Variants in PARD3 observed in about 807,000 individuals in gnomAD.
PARD3 encodes the protein partitioning defective 3 homolog.
In PARD3, 75 loss-of-function variants were observed where a neutral mutation model predicts 155.4. The ratio of observed to expected loss-of-function variants is 0.48; its 90% CI spans 0.40 to 0.58. The LOEUF (loss-of-function observed/expected upper bound fraction) is 0.58, where lower values mean the gene tolerates loss of function less well. Ranked by LOEUF, PARD3 falls within the 20% of genes least tolerant of loss-of-function variation. The pLI is 0.00. For synonymous variants in PARD3, 576 were observed against 610.5 expected, an observed-to-expected ratio of 0.94 and a Z score of 0.83; for missense variants, 1,642 against 1,721.7, an observed-to-expected ratio of 0.95 and a Z score of 0.82.
At chr10:34,690,246 CCTCA>C (rs1213764276) in intron 2 of PARD3, among the ~76,000 whole-genome samples, 19 of 152,116 alleles carry the variant, frequency 1.2e-4, no homozygotes, top group Non-Finnish European at 4.4e-5. Flanking sequence ...GCCCGGATGG[CCTCA>C]CTGATTTTTA....
chr10:34,748,444 TC>T (rs1288701393), intron 1 of PARD3, among the ~76,000 whole-genome samples: 1 of 151,912 alleles, frequency 6.6e-6, no homozygotes. Flanking sequence ...GCCACTGCAC[TC>T]CAGCCTGGGC....
At chr10:34,321,950 TAG>T (rs1202191518) in intron 19 of PARD3, among the ~76,000 whole-genome samples, 2 of 152,164 alleles carry the variant, frequency 1.3e-5, no homozygotes, top group African/African-American at 4.8e-5. Context: ...TCAAGGTCAT[TAG>T]AGTCTATTTC....
intron 2 of PARD3, among the ~76,000 whole-genome samples, chr10:34,592,954 A>T (rs1590146997): frequency 6.6e-6 from 1 of 152,286 alleles, no homozygotes; most frequent in East Asian, 1.9e-4. Flanking sequence ...ACATTACTGC[A>T]TGCCTACCTG....
intron 2 of PARD3, among the ~76,000 whole-genome samples, chr10:34,641,703 G>A (rs2092684137): frequency 6.6e-6 from 1 of 152,160 alleles, no homozygotes; most frequent in Non-Finnish European, 1.5e-5. Flanking sequence ...TGGGTGAGCT[G>A]TGCCGCAGTT....
chr10:34,270,689 T>C (rs1955571528), intron 21 of PARD3, among the ~76,000 whole-genome samples: 1 of 152,140 alleles, frequency 6.6e-6, no homozygotes, highest in Non-Finnish European at 1.5e-5. Flanking sequence ...ATCCACACCA[T>C]AACTCTTCAT....
intron 22 of PARD3, among the ~76,000 whole-genome samples, chr10:34,190,823 G>T (rs1950672794): frequency 6.6e-6 from 1 of 152,104 alleles, no homozygotes; most frequent in Non-Finnish European, 1.5e-5. Flanking sequence ...AGTTTTCCAG[G>T]CCAACTTGGA....
In PARD3 at chr10:34,359,495, G is replaced by A. The variant is rs1191694599; in HGVS notation, c.1897-178C>T. ...GCATAATAACGTCTAAGCAGCTATT[G>A]TAGCCTGTGTCTATTTCAATCATTT... is the stretch of plus-strand genomic sequence containing the variant. On this transcript the variant is annotated intron_variant, in intron 13 of 24. Coordinates refer to ENST00000374788, the MANE Select transcript of PARD3 (RefSeq NM_001184785.2). 2.0e-5 allele frequency among the ~76,000 whole-genome samples: 3 copies of A among 151,598 alleles called. No homozygotes were observed. The East Asian group carries it at 5.8e-4, about 29-fold the overall frequency.
intron 22 of PARD3, among the ~76,000 whole-genome samples, chr10:34,249,025 A>G (rs1288300787): frequency 2.0e-5 from 3 of 151,892 alleles, no homozygotes; most frequent in Non-Finnish European, 4.4e-5. Flanking sequence ...TGGCTCCTTA[A>G]TTTTTTTTAG....
chr10:34,227,724 G>A (rs1952671794), intron 22 of PARD3, among the ~76,000 whole-genome samples: 1 of 151,336 alleles, frequency 6.6e-6, no homozygotes, highest in African/African-American at 2.4e-5. Context: ...ACTGCTGGAA[G>A]GAATGTAAAT....
At chr10:34,441,756 C>T (rs1228356010) in intron 5 of PARD3, among the ~76,000 whole-genome samples, 1 of 152,066 alleles carries the variant, frequency 6.6e-6, no homozygotes, top group Non-Finnish European at 1.5e-5. Flanking sequence ...AATAATGTGT[C>T]CCATACATAT....
At chr10:34,604,444 C>A (rs1328240419) in intron 2 of PARD3, among the ~76,000 whole-genome samples, 1 of 152,048 alleles carries the variant, frequency 6.6e-6, no homozygotes, top group Non-Finnish European at 1.5e-5. Context: ...TGCTTCCTCC[C>A]CTCAAATATC....
intron 20 of PARD3, among the ~76,000 whole-genome samples, chr10:34,293,347 T>G (rs919853088): frequency 6.6e-6 from 1 of 152,158 alleles, no homozygotes; most frequent in Non-Finnish European, 1.5e-5. Context: ...GCACTTTATT[T>G]TTTTCAAATT....
chr10:34,680,891 G>A (rs548707826), intron 2 of PARD3, among the ~76,000 whole-genome samples: 63 of 150,396 alleles, frequency 4.2e-4, no homozygotes, highest in Non-Finnish European at 7.2e-4. Context: ...GCTAGATCAC[G>A]AGTTAGTGGG....
chr10:34,435,926 T>C (rs983867504), intron 5 of PARD3, among the ~76,000 whole-genome samples: 1 of 152,128 alleles, frequency 6.6e-6, no homozygotes, highest in Non-Finnish European at 1.5e-5. Flanking sequence ...AAAAAGAAAA[T>C]CTTGTCCTTT....
At chr10:34,476,120 C>T (rs1223052652) in intron 3 of PARD3, among the ~76,000 whole-genome samples, 1 of 151,964 alleles carries the variant, frequency 6.6e-6, no homozygotes, top group Admixed American at 6.6e-5. Flanking sequence ...GAGACCTTAC[C>T]TCAACAAAAA....
intron 4 of PARD3, among the ~76,000 whole-genome samples, chr10:34,464,105 C>T (rs1341795539): frequency 7.2e-6 from 1 of 139,432 alleles, no homozygotes; most frequent in Non-Finnish European, 1.5e-5. Context: ...TCAGCTAGAC[C>T]CGAGGTCCTG....
chr10:34,129,662 C>G (rs1345450790), intron 23 of PARD3, among the ~76,000 whole-genome samples: 2 of 138,448 alleles, frequency 1.4e-5, no homozygotes, highest in Admixed American at 1.4e-4. Flanking sequence ...TACCCTTCCT[C>G]AAATCAAATG....
chr10:34,445,788 A>T (rs984473207), intron 5 of PARD3, among the ~76,000 whole-genome samples: 6 of 120,206 alleles, frequency 5.0e-5, no homozygotes, highest in Admixed American at 1.5e-4. Flanking sequence ...TGCAGTATTT[A>T]AAAAAAAAAA....
chr10:34,370,807 G>GGT (rs3040369), intron 12 of PARD3, among the ~76,000 whole-genome samples: 6,783 of 145,588 alleles, frequency 0.047, 368 homozygotes, highest in African/African-American at 0.14. Flanking sequence ...ATACAAATGG[G>GGT]GTGTGTGTGT....
Sources: allele counts gnomAD v4.1 joint callset (sites outside exome capture counted in the v4.1 genomes callset), GRCh38; gene constraint gnomAD v4.1.1; transcripts MANE v1.5; gene names NCBI Gene and HGNC (gene_info 2026-07-23, HGNC 2026-07-21).